Variants in MPRIP observed in about 807,000 individuals in gnomAD.
MPRIP encodes myosin phosphatase Rho-interacting protein.
In MPRIP, 59 loss-of-function variants were observed where a neutral mutation model predicts 234.9. The observed-to-expected ratio is 0.25, with a 90% CI of 0.20 to 0.31. The LOEUF is 0.31. Among genes scored for constraint, MPRIP ranks in the 10% least tolerant of loss-of-function variants. The pLI is 1.00. For synonymous variants in MPRIP, 1,144 were observed against 1,263.9 expected, an observed-to-expected ratio of 0.91 and a Z score of 2.01; for missense variants, 2,436 against 3,071.0, an observed-to-expected ratio of 0.79 and a Z score of 4.89.
At position 17,164,870 on chromosome 17, in the gene MPRIP, G is replaced by T; in HGVS notation, c.3279G>T (p.Val1093=). The T allele has an allele frequency of 7.7e-7, 1 of 1,304,034 alleles. No homozygotes were observed. Among genetic ancestry groups the T allele is most frequent in the Non-Finnish European group, 1.0e-6 (1 of 988,902 alleles). 80.8% of individuals were successfully genotyped at this position (1,304,034 alleles called of 1,614,324 possible). Residue 1093 remains valine (V), a synonymous_variant, in exon 16 of 24, where the codon GTG becomes GTT. Coordinates refer to ENST00000651222, the MANE Select transcript of MPRIP (RefSeq NM_001364716.4). The stretch of plus-strand genomic sequence containing the variant: ...AGCTGGAGGCACGAGAGGCCAGCGT[G>T]CGCAGGCTCGCAGAGCACGTGCAGA... ...EEQLEAREAS[V]RRLAEHVQSL...
intron 23 of MPRIP, among the ~76,000 whole-genome samples, chr17:17,180,924 CTG>C (rs369238410): frequency 9.9e-4 from 151 of 152,360 alleles, no homozygotes; most frequent in African/African-American, 3.5e-3. Flanking sequence ...GTTGGATAAT[CTG>C]TGCACAACGG....
At position 17,190,150 on chromosome 17, in the gene MPRIP, C is replaced by T. The variant is rs899440324; in HGVS notation, c.*5256C>T. The T allele has an allele frequency of 2.6e-5, 4 of 152,262 alleles. No homozygotes were observed. Among genetic ancestry groups the T allele is most frequent in the African/African-American group, 7.2e-5 (3 of 41,482 alleles). 9.4% of individuals were successfully genotyped at this position (152,262 alleles called of 1,614,324 possible). Reference sequence around the variant, plus strand: ...GGAGGTGCCATATACAAGCACACTTCTTCCTTCCCCTGGCTTCTCCATGCC... The same window carrying T: ...GGAGGTGCCATATACAAGCACACTTTTTCCTTCCCCTGGCTTCTCCATGCC... On this transcript the variant is annotated 3_prime_UTR_variant, in exon 24 of 24. Coordinates refer to ENST00000651222, the MANE Select transcript of MPRIP (RefSeq NM_001364716.4).
chr17:17,123,063 C>G (rs1320598234), intron 3 of MPRIP, among the ~76,000 whole-genome samples: 1 of 152,116 alleles, frequency 6.6e-6, no homozygotes, highest in Non-Finnish European at 1.5e-5. Flanking sequence ...CTGACACATG[C>G]TGCAATGCGG....
chr17:17,182,688 G>T (rs1357122039), intron 23 of MPRIP: 1 of 152,290 alleles, frequency 6.6e-6, no homozygotes, highest in African/African-American at 2.4e-5. Context: ...ACTGGGGCAG[G>T]AGCCAGTAGC....
intron 3 of MPRIP, among the ~76,000 whole-genome samples, chr17:17,093,861 A>G (rs185106446): frequency 2.4e-4 from 36 of 152,268 alleles, no homozygotes; most frequent in Non-Finnish European, 8.8e-5. Context: ...TATTGGTTTT[A>G]TACACCACAG....
rs1206902757 is a variant in MPRIP at position 17,172,711 on chromosome 17, G to A, written c.6486G>A (p.Met2162Ile). 6.2e-7 allele frequency: 1 copy of A among 1,611,282 alleles called. No individual in the cohort carries two copies. The highest frequency in any genetic ancestry group is 8.5e-7 in the Non-Finnish European group (1 of 1,179,986). Residue 2162 changes from methionine to isoleucine, a missense_variant, in exon 18 of 24, where the codon ATG becomes ATA. Physicochemically the swap from Met to Ile is conservative, Grantham distance 10. Around this residue, in one of 4 missense-constraint regions of MPRIP, gnomAD observed 1,998 missense variants for 2,520.3 expected, o/e 0.79. Transcript: ENST00000651222. The stretch of plus-strand genomic sequence containing the variant: ...CCTTGCCTGCAGCCATCGAAGCCAT[G>A]AAGAACGCCCACCGGGAGGAAATGG... ...TAATISAIEAMKNAHREEMER... is the reference protein window; with the variant it reads ...TAATISAIEAIKNAHREEMER...
In MPRIP at chr17:17,150,214, A is replaced by G. The variant is rs774670963; in HGVS notation, c.1700A>G (p.Asn567Ser). 1 of 1,613,236 alleles carries G rather than the reference A, an allele frequency of 6.2e-7. No homozygotes were observed. Among genetic ancestry groups the G allele is most frequent in the Admixed American group, 1.7e-5 (1 of 59,930 alleles). ...GTCACAGAGTATCCAGTTCAGAGAA[A>G]CTATGGCTTCCAGATACATGTGAGT... The part of the protein sequence containing the change: ...YDVTEYPVQR[N>S]YGFQIHTKEG... Residue 567 changes from asparagine to serine, a missense_variant, in exon 12 of 24, where the codon AAC becomes AGC. Physicochemically the swap from Asn to Ser is conservative, Grantham distance 46. Coordinates refer to ENST00000651222, the MANE Select transcript of MPRIP (RefSeq NM_001364716.4).
At chr17:17,114,395 C>T (rs1047196770) in intron 3 of MPRIP, among the ~76,000 whole-genome samples, 1 of 151,090 alleles carries the variant, frequency 6.6e-6, no homozygotes, top group Non-Finnish European at 1.5e-5. Flanking sequence ...CTTAGATGTA[C>T]AAAGGTTTTT....
At chr17:17,085,227 C>T (rs1650800771) in intron 3 of MPRIP, among the ~76,000 whole-genome samples, 3 of 152,156 alleles carry the variant, frequency 2.0e-5, no homozygotes, top group South Asian at 2.1e-4. Context: ...CCGGGCTATT[C>T]GGACCACAGG....
At chr17:17,140,465 C>T (rs1443654447) in intron 7 of MPRIP, among the ~76,000 whole-genome samples, 2 of 152,178 alleles carry the variant, frequency 1.3e-5, no homozygotes, top group African/African-American at 4.8e-5. Context: ...TGGCTGCTGT[C>T]GCTTTCTGAG....
chr17:17,085,337 G>T (rs2089562214), intron 3 of MPRIP, among the ~76,000 whole-genome samples: 2 of 152,116 alleles, frequency 1.3e-5, no homozygotes, highest in African/African-American at 4.8e-5. Context: ...TTTGGACTCG[G>T]GTGTGTTTTC....
intron 3 of MPRIP, among the ~76,000 whole-genome samples, chr17:17,121,540 C>T (rs1360675705): frequency 3.9e-5 from 6 of 152,212 alleles, no homozygotes; most frequent in Non-Finnish European, 5.9e-5. Flanking sequence ...AGGGCATGGG[C>T]GCAAACATGA....
Position 17,189,257 on chromosome 17 carries a change from C to G in MPRIP, c.*4363C>G, listed in dbSNP as rs1393670794. 6.6e-6 allele frequency: 1 copy of G among 152,056 alleles called. No homozygotes were observed. The highest frequency in any genetic ancestry group is 1.9e-4 in the East Asian group (1 of 5,174). The allele number at this position is 152,056 out of a possible 1,614,324, so 9.4% of individuals were successfully genotyped here. On this transcript the variant is annotated 3_prime_UTR_variant, in exon 24 of 24. Transcript: ENST00000651222. ...AGGCTGGAGTGTAGTGGCATGATCTCGGCTCACTGCAACCTCTGCCTCCCA... is the reference window on the plus strand; with the variant it reads ...AGGCTGGAGTGTAGTGGCATGATCTGGGCTCACTGCAACCTCTGCCTCCCA...
At chr17:17,159,620 C>T (rs2045818599) in intron 14 of MPRIP, among the ~76,000 whole-genome samples, 2 of 152,224 alleles carry the variant, frequency 1.3e-5, no homozygotes, top group Non-Finnish European at 2.9e-5. Flanking sequence ...GGCCCCCGAA[C>T]TATAAAATAA....
chr17:17,114,715 C>T (rs1370262628), intron 3 of MPRIP, among the ~76,000 whole-genome samples: 1 of 152,156 alleles, frequency 6.6e-6, no homozygotes, highest in Non-Finnish European at 1.5e-5. Flanking sequence ...CCCCCGCCCA[C>T]CCACCACCAG....
At chr17:17,172,156 C>A (rs908745507) in intron 17 of MPRIP, among the ~76,000 whole-genome samples, 1 of 152,238 alleles carries the variant, frequency 6.6e-6, no homozygotes, top group African/African-American at 2.4e-5. Context: ...GTAGACTGAC[C>A]AGTGTCAGTC....
At chr17:17,156,681 C>T (rs1489391036) in intron 13 of MPRIP, among the ~76,000 whole-genome samples, 1 of 152,196 alleles carries the variant, frequency 6.6e-6, no homozygotes, top group African/African-American at 2.4e-5. Flanking sequence ...GTGACTTTGG[C>T]GGCTGTCAGG....
Position 17,060,010 on chromosome 17 carries a change from T to G in MPRIP, c.124-15700T>G, listed in dbSNP as rs182566686. 1.1e-4 allele frequency among the ~76,000 whole-genome samples: 16 copies of G among 152,218 alleles called. No individual in the cohort carries two copies. The East Asian group carries it at 3.1e-3, about 29-fold the overall frequency. Reference sequence around the variant, plus strand: ...CTTATTGGCCCAGCTTTTCCTGGGGTGGGTGGAGGTGGTAGCCTGCACCCA... The same window carrying G: ...CTTATTGGCCCAGCTTTTCCTGGGGGGGGTGGAGGTGGTAGCCTGCACCCA... On this transcript the variant is annotated intron_variant, in intron 1 of 23. Transcript: ENST00000651222.
At chr17:17,177,560 T>C in intron 22 of MPRIP, 148 bp downstream of exon 22, 1 of 846,844 alleles carries the variant, frequency 1.2e-6, no homozygotes, top group Non-Finnish European at 1.8e-6. Flanking sequence ...AGCACCAGCT[T>C]CACACGGCTG....
Sources: gnomAD v4.1 joint callset for allele counts (sites outside exome capture counted in the v4.1 genomes callset) on GRCh38, gnomAD v4.1.1 for gene constraint, gnomAD v4.1.1 regional missense constraint, MANE v1.5 for transcripts, NCBI Gene and HGNC (gene_info 2026-07-23, HGNC 2026-07-21) for gene names.